CACNA1H: variants seen among roughly 807,000 people sequenced by gnomAD.
The protein encoded by CACNA1H is voltage-dependent T-type calcium channel subunit alpha-1H.
A neutral mutation model predicts 192.5 loss-of-function variants in CACNA1H; 149 were observed. That is an observed-to-expected ratio of 0.77 (90% CI 0.68 to 0.89). The LOEUF is 0.89. Among genes scored for constraint, CACNA1H ranks in the 40% least tolerant of loss-of-function variants. The pLI, the probability that CACNA1H is intolerant of heterozygous loss-of-function variation, is 0.00. For missense variants in CACNA1H, 4,257 were observed against 3,423.5 expected (o/e 1.24, Z -6.08); for synonymous variants, 2,202 against 1,475.2 (o/e 1.49, Z -11.29).
chr16:1,191,143 G>T (rs12445398), intron 2 of CACNA1H, among the ~76,000 whole-genome samples: 16 of 54,312 alleles, frequency 2.9e-4, no homozygotes, highest in South Asian at 7.3e-4. Context: ...GGGTCTCTCT[G>T]ACTCAGCAGG....
At chr16:1,172,908 C>T (rs968441756) in intron 2 of CACNA1H, among the ~76,000 whole-genome samples, 3 of 151,614 alleles carry the variant, frequency 2.0e-5, no homozygotes, top group Non-Finnish European at 2.9e-5. Context: ...CTCTCGCAGT[C>T]ACTGGCCCTA....
In CACNA1H at chr16:1,193,170, G is replaced by T. The variant is rs367580471; in HGVS notation, c.300-1802G>T. Among the ~76,000 whole-genome samples the T allele has an allele frequency of 9.2e-5, 14 of 152,304 alleles. No homozygotes were observed. In the East Asian group the frequency reaches 9.6e-4, roughly 10 times the overall value. ...GAGCTCCTCCCCGCCAGCCTGTTCCGTTTACCCAAGAAAACCCCTCCCCTC... is the reference window on the plus strand; with the variant it reads ...GAGCTCCTCCCCGCCAGCCTGTTCCTTTTACCCAAGAAAACCCCTCCCCTC... On this transcript the variant is annotated intron_variant, in intron 2 of 34. Transcript: ENST00000348261.
chr16:1,188,408 CTGTT>C (rs765015835), intron 2 of CACNA1H, among the ~76,000 whole-genome samples: 5 of 152,172 alleles, frequency 3.3e-5, no homozygotes, highest in Non-Finnish European at 5.9e-5. Context: ...TCAGTCGGCA[CTGTT>C]TGGGGGTCTG....
intron 2 of CACNA1H, among the ~76,000 whole-genome samples, chr16:1,187,609 C>T (rs1039801954): frequency 2.9e-4 from 44 of 152,230 alleles, no homozygotes; most frequent in African/African-American, 1.0e-3. Context: ...CTCCCAGCTG[C>T]AGAGCTCTGC....
At chr16:1,197,810 C>T (rs1164511317) in intron 5 of CACNA1H, among the ~76,000 whole-genome samples, 3 of 152,182 alleles carry the variant, frequency 2.0e-5, no homozygotes, top group Non-Finnish European at 4.4e-5. Context: ...GCTTTACCTG[C>T]TGCCTTAGCC....
intron 2 of CACNA1H, chr16:1,157,566 C>G (rs889798385): frequency 6.6e-6 from 1 of 152,264 alleles, no homozygotes; most frequent in African/African-American, 2.4e-5. Flanking sequence ...AGGGCCAGTC[C>G]CGCCTGCGCC....
At chr16:1,160,727 T>C (rs117828393) in intron 2 of CACNA1H, among the ~76,000 whole-genome samples, 3,111 of 152,184 alleles carry the variant, frequency 0.02, 42 homozygotes, top group Non-Finnish European at 0.028. Context: ...GGACGGTTGA[T>C]GAATGTGCTC....
At position 1,195,560 on chromosome 16, in the gene CACNA1H, G is replaced by T; in HGVS notation, c.540G>T (p.Val180=). 1 of 1,590,724 alleles carries T rather than the reference G, an allele frequency of 6.3e-7. No homozygotes were observed. The highest frequency in any genetic ancestry group is 2.3e-5 in the East Asian group (1 of 43,706). Residue 180 remains valine (V), a synonymous_variant, in exon 4 of 35, where the codon GTG becomes GTT. Coordinates refer to ENST00000348261, the MANE Select transcript of CACNA1H (RefSeq NM_021098.3). The part of the protein sequence containing the change: ...TWNRLDFFIV[V]AGMMEYSLDG... ...ACAGGCTGGATTTCTTCATCGTCGT[G>T]GCGGGGTAGGCCCCGCCTGGGAGAG...
At chr16:1,189,715 G>C (rs1304938459) in intron 2 of CACNA1H, among the ~76,000 whole-genome samples, 1 of 152,148 alleles carries the variant, frequency 6.6e-6, no homozygotes, top group East Asian at 1.9e-4. Flanking sequence ...GAACCACCGG[G>C]CCCAGCCTGA....
At chr16:1,212,610 G>T (rs951650204) in intron 26 of CACNA1H, 82 bp downstream of exon 26, 3 of 1,524,972 alleles carry the variant, frequency 2.0e-6, no homozygotes, top group East Asian at 2.4e-5. Flanking sequence ...GGCCTGCTGG[G>T]GTCCTCCGCA....
chr16:1,154,186 T>C, intron 2 of CACNA1H, 150 bp downstream of exon 2: 1 of 455,638 alleles, frequency 2.2e-6, no homozygotes, highest in East Asian at 4.1e-5. Context: ...GGGCAGGGGC[T>C]GGAGGACCGC....
chr16:1,211,653 G>A (rs1010527391), intron 23 of CACNA1H, 47 bp downstream of exon 23: 3 of 1,609,888 alleles, frequency 1.9e-6, no homozygotes, highest in Admixed American at 3.3e-5. Context: ...AGGACACCCT[G>A]GAGCGAGAGG....
rs1431501214 is a variant in CACNA1H, at chr16:1,200,525, C to T, written c.1073C>T (p.Ala358Val). ...RSGDSNPHNG[A>V]INFDNIGYAW... is the part of the protein sequence containing the mutation. ...GGTGACTCCAACCCCCACAACGGTG[C>T]CATCAACTTCGACAACATCGGCTAC... The change falls in exon 7 of 35, where the codon GCC (alanine) becomes GTC (valine). Residue 358 changes from alanine to valine, a missense_variant. Transcript: ENST00000348261. 4.3e-6 allele frequency: 7 copies of T among 1,612,310 alleles called. No individual in the cohort carries two copies. The highest frequency in any genetic ancestry group is 1.1e-5 in the South Asian group (1 of 91,084).
In CACNA1H at chr16:1,215,621, G is replaced by A. The variant is rs2753322; in HGVS notation, c.5244+28G>A. ...AGGTGGAGCCCGCGCCATCCTCAGC[G>A]CAGGCCCCCGGAAGACGGGGTTGCA... On this transcript the variant is annotated intron_variant, in intron 30 of 34. Transcript: ENST00000348261. 200,965 of 1,591,984 alleles carry A rather than the reference G, an allele frequency of 0.13. 14,227 individuals are homozygous for A. The highest frequency in any genetic ancestry group is 0.23 in the South Asian group (19,871 of 88,274).
intron 9 of CACNA1H, 31 bp from the exon 10 acceptor site, chr16:1,203,979 G>C (rs1395030188): frequency 6.7e-7 from 1 of 1,488,042 alleles, no homozygotes; most frequent in Non-Finnish European, 9.0e-7. Flanking sequence ...CCACTGAGTG[G>C]GCCTGCCCCT....
At position 1,167,265 on chromosome 16, in the gene CACNA1H, C is replaced by T. The variant is rs903458347; in HGVS notation, c.299+13229C>T. ...TGGGCCTCCTGTCAGCAGCCCGTCC[C>T]GGTGGGTGGGGCTTGCCGGCCGCCC... On this transcript the variant is annotated intron_variant, in intron 2 of 34. Coordinates refer to ENST00000348261, the MANE Select transcript of CACNA1H (RefSeq NM_021098.3). This position sits in a 1 kb window ranked among gnomAD's most constrained non-coding sequence, Gnocchi z 4.2. Among the ~76,000 whole-genome samples the T allele has an allele frequency of 4.6e-5, 7 of 152,158 alleles. No individual in the cohort carries two copies. Among genetic ancestry groups the T allele is most frequent in the Admixed American group, 4.6e-4 (7 of 15,284 alleles).
intron 34 of CACNA1H, among the ~76,000 whole-genome samples, chr16:1,219,397 G>A (rs972672232): frequency 5.3e-5 from 8 of 151,822 alleles, no homozygotes; most frequent in East Asian, 1.9e-4. Flanking sequence ...CAGGCCCCAC[G>A]GTGGGCAGAC....
intron 2 of CACNA1H, among the ~76,000 whole-genome samples, chr16:1,192,258 G>A (rs1238322118): frequency 6.6e-6 from 1 of 152,240 alleles, no homozygotes; most frequent in Non-Finnish European, 1.5e-5. Flanking sequence ...TGGCAGAGGG[G>A]GCAAAGGTGT....
At chr16:1,211,350 C>A in intron 22 of CACNA1H, 56 bp downstream of exon 22, 1 of 1,608,966 alleles carries the variant, frequency 6.2e-7, no homozygotes, top group South Asian at 1.1e-5. Flanking sequence ...GGTCTGCCTT[C>A]CCAGCGTGGC....
Sources: gnomAD v4.1 joint callset for allele counts (sites outside exome capture counted in the v4.1 genomes callset) on GRCh38, gnomAD v4.1.1 for gene constraint, Gnocchi (gnomAD v3.1) non-coding constraint, MANE v1.5 for transcripts, NCBI Gene and HGNC (gene_info 2026-07-23, HGNC 2026-07-21) for gene names.